FER: variants seen among roughly 807,000 people sequenced by gnomAD.
FER encodes the protein tyrosine-protein kinase Fer.
Under a neutral mutation model 111.0 loss-of-function variants are expected in FER, and 63 were observed. That is an observed-to-expected ratio of 0.57 (90% CI 0.46 to 0.70). The LOEUF is 0.70. Among genes scored for constraint, FER ranks in the 30% least tolerant of loss-of-function variants. FER has a pLI of 0.00. For missense variants in FER, 914 were observed against 954.0 expected, an observed-to-expected ratio of 0.96 and a Z score of 0.55; for synonymous variants, 327 against 313.9, an observed-to-expected ratio of 1.04 and a Z score of -0.44.
chr5:108,784,741 A>G (rs566231517), intron 2 of FER, among the ~76,000 whole-genome samples: 160 of 152,362 alleles, frequency 1.1e-3, no homozygotes, highest in African/African-American at 3.8e-3. Flanking sequence ...ATGGGCTGAA[A>G]CAAAGGGATG....
intron 16 of FER, among the ~76,000 whole-genome samples, chr5:109,098,023 G>A (rs1236640076): frequency 6.6e-6 from 1 of 151,644 alleles, no homozygotes; most frequent in African/African-American, 2.4e-5. Context: ...TTAATGACTC[G>A]AAGCAAGAAA....
chr5:109,013,444 G>A (rs1002902276), intron 13 of FER, among the ~76,000 whole-genome samples: 15 of 151,682 alleles, frequency 9.9e-5, no homozygotes, highest in Non-Finnish European at 2.1e-4. Flanking sequence ...ATTCCACGGT[G>A]TATATGTGCC....
intron 16 of FER, among the ~76,000 whole-genome samples, chr5:109,095,761 C>T (rs993855300): frequency 6.6e-6 from 1 of 151,986 alleles, no homozygotes; most frequent in Non-Finnish European, 1.5e-5. Flanking sequence ...AATAAGAATT[C>T]TGAATAATGA....
intron 18 of FER, among the ~76,000 whole-genome samples, chr5:109,184,461 A>G (rs1374433145): frequency 6.6e-6 from 1 of 152,226 alleles, no homozygotes; most frequent in Non-Finnish European, 1.5e-5. Flanking sequence ...ACCAGGTTCA[A>G]AGATCCAGGT....
At chr5:108,797,364 G>A (rs1756147235) in intron 2 of FER, among the ~76,000 whole-genome samples, 1 of 152,106 alleles carries the variant, frequency 6.6e-6, no homozygotes, top group Non-Finnish European at 1.5e-5. Flanking sequence ...CACTCCTGTA[G>A]CCTCCCTCTC....
At chr5:108,893,288 T>C (rs1395452031) in intron 9 of FER, among the ~76,000 whole-genome samples, 1 of 152,084 alleles carries the variant, frequency 6.6e-6, no homozygotes, top group Admixed American at 6.6e-5. Flanking sequence ...TATTGGTTCT[T>C]CCTACCCTTG....
At chr5:108,926,241 T>G (rs1753726998) in intron 10 of FER, among the ~76,000 whole-genome samples, 1 of 149,934 alleles carries the variant, frequency 6.7e-6, no homozygotes, top group African/African-American at 2.5e-5. Flanking sequence ...TTCTATGTAT[T>G]TTTTTATACA....
chr5:109,018,091 AAT>A (rs1767435805), intron 13 of FER, among the ~76,000 whole-genome samples: 1 of 151,902 alleles, frequency 6.6e-6, no homozygotes, highest in African/African-American at 2.4e-5. Flanking sequence ...TGCCTAGTCA[AAT>A]GACTTAATAC....
At chr5:109,085,740 C>T (rs943215834) in intron 16 of FER, among the ~76,000 whole-genome samples, 8 of 151,512 alleles carry the variant, frequency 5.3e-5, no homozygotes, top group East Asian at 1.9e-4. Flanking sequence ...CCCTAGTTTG[C>T]GGAGAGATTT....
chr5:108,872,810 C>T (rs1230276009), intron 8 of FER, among the ~76,000 whole-genome samples: 1 of 152,178 alleles, frequency 6.6e-6, no homozygotes, highest in East Asian at 1.9e-4. Flanking sequence ...AGGTGCTCTA[C>T]TTCTAAATAT....
chr5:108,896,482 G>A (rs1700424103), intron 9 of FER, among the ~76,000 whole-genome samples: 1 of 152,014 alleles, frequency 6.6e-6, no homozygotes, highest in African/African-American at 2.4e-5. Context: ...CACTGGAGAG[G>A]TCTGTCTTCT....
chr5:109,028,765 GC>G (rs1341380970), intron 13 of FER, among the ~76,000 whole-genome samples: 1 of 152,158 alleles, frequency 6.6e-6, no homozygotes, highest in East Asian at 1.9e-4. Flanking sequence ...AGGCTTTCTT[GC>G]CCTATTTATA....
chr5:108,784,926 G>T, intron 2 of FER: 1 of 180,116 alleles, frequency 5.6e-6, no homozygotes, highest in East Asian at 1.3e-4. Flanking sequence ...TGGCCATCAT[G>T]AACATATCAC....
chr5:109,189,204 C>T lies in FER; in HGVS notation c.*1629C>T, dbSNP rs949075020. 1 of 152,138 alleles carries T rather than the reference C, an allele frequency of 6.6e-6. No homozygotes were observed. The highest frequency in any genetic ancestry group is 2.4e-5 in the African/African-American group (1 of 41,412). The allele number at this position is 152,138 out of a possible 1,614,324, so 9.4% of individuals were successfully genotyped here. A position where few individuals can be genotyped will look rare whatever the true frequency, so the allele number is the denominator to read the frequency against. Reference sequence around the variant, plus strand: ...GGAACTTACTTACTTACCCCATGATCTGTATATAGTTGCCTCTCAGGATAA... The same window carrying T: ...GGAACTTACTTACTTACCCCATGATTTGTATATAGTTGCCTCTCAGGATAA... On this transcript the variant is annotated 3_prime_UTR_variant, in exon 20 of 20. Coordinates refer to ENST00000281092, the MANE Select transcript of FER (RefSeq NM_005246.4).
chr5:108,862,271 T>C (rs1763598277), intron 5 of FER, among the ~76,000 whole-genome samples: 1 of 152,188 alleles, frequency 6.6e-6, no homozygotes, highest in Non-Finnish European at 1.5e-5. Context: ...TCATATACTA[T>C]ATTTAATAAA....
chr5:109,001,387 T>C (rs1025189107), intron 13 of FER, among the ~76,000 whole-genome samples: 5 of 152,140 alleles, frequency 3.3e-5, no homozygotes, highest in Non-Finnish European at 7.3e-5. Context: ...AAAAACCACA[T>C]GATTATCTCA....
At chr5:108,915,128 T>C (rs2150366627) in intron 10 of FER, among the ~76,000 whole-genome samples, 1 of 152,286 alleles carries the variant, frequency 6.6e-6, no homozygotes, top group African/African-American at 2.4e-5. Context: ...TTTAGTTGTC[T>C]TTTGAGAGAT....
chr5:108,828,636 G>A (rs1357767052), intron 3 of FER, among the ~76,000 whole-genome samples: 1 of 151,974 alleles, frequency 6.6e-6, no homozygotes, highest in Non-Finnish European at 1.5e-5. Context: ...TAAAATTCAG[G>A]TATTTTTACT....
chr5:108,785,553 G>A, intron 2 of FER: 1 of 524,946 alleles, frequency 1.9e-6, no homozygotes, highest in South Asian at 1.5e-5. Flanking sequence ...GCACCTGCTA[G>A]AAGTTTATGG....
Sources: gnomAD v4.1 joint callset for allele counts (sites outside exome capture counted in the v4.1 genomes callset) on GRCh38, gnomAD v4.1.1 for gene constraint, MANE v1.5 for transcripts, NCBI Gene and HGNC (gene_info 2026-07-23, HGNC 2026-07-21) for gene names.